HLCS: variants seen among roughly 807,000 people sequenced by gnomAD.
The protein encoded by HLCS is biotin--protein ligase.
A neutral mutation model predicts 75.0 loss-of-function variants in HLCS; 53 were observed. The ratio of observed to expected loss-of-function variants is 0.71; its 90% CI spans 0.57 to 0.89. The LOEUF (loss-of-function observed/expected upper bound fraction) is 0.89, where lower values mean the gene tolerates loss of function less well. Among genes scored for constraint, HLCS ranks in the 40% least tolerant of loss-of-function variants. The probability of loss-of-function intolerance (pLI) is 0.00; values close to 1 mark genes in which losing one functional copy is unlikely to be tolerated. For synonymous variants in HLCS, 431 were observed against 428.6 expected (o/e 1.01, Z -0.07); for missense variants, 966 against 1,074.0 (o/e 0.90, Z 1.41).
At chr21:36,957,777 A>G (rs1444714608) in intron 2 of HLCS, among the ~76,000 whole-genome samples, 1 of 151,482 alleles carries the variant, frequency 6.6e-6, no homozygotes, top group Non-Finnish European at 1.5e-5. Context: ...AAAATACAAA[A>G]AATTACCTGG....
At chr21:36,768,661 G>A (rs1168985096) in intron 6 of HLCS, among the ~76,000 whole-genome samples, 4 of 152,234 alleles carry the variant, frequency 2.6e-5, no homozygotes, top group Non-Finnish European at 5.9e-5. Context: ...GGCACAGGAC[G>A]CTTTCGGCGA....
intron 6 of HLCS, among the ~76,000 whole-genome samples, chr21:36,814,628 G>A (rs1204665327): frequency 6.6e-6 from 1 of 152,230 alleles, no homozygotes; most frequent in Non-Finnish European, 1.5e-5. Flanking sequence ...AGGGGTAGAG[G>A]TGAGAAAAGG....
intron 6 of HLCS, among the ~76,000 whole-genome samples, chr21:36,815,605 G>A (rs1397192357): frequency 1.3e-5 from 2 of 152,172 alleles, no homozygotes; most frequent in Non-Finnish European, 2.9e-5. Context: ...AGTAAAGACG[G>A]GGGATAGGTT....
intron 5 of HLCS, among the ~76,000 whole-genome samples, chr21:36,921,537 A>G (rs1036172059): frequency 9.9e-5 from 15 of 152,238 alleles, no homozygotes; most frequent in African/African-American, 3.1e-4. Context: ...AATTAAACTA[A>G]AAGTTTTTAT....
Position 36,754,369 on chromosome 21 carries a change from G to A in HLCS, c.2499C>T (p.Ile833=), listed in dbSNP as rs779826873. Residue 833 remains isoleucine (I), a synonymous_variant, in exon 11 of 11, where the codon ATC becomes ATT. Coordinates refer to ENST00000674895, the MANE Select transcript of HLCS (RefSeq NM_001352514.2). ...GGAAGCCAGAATCGTCCAGGCCAAC[G>A]ATGGACACCTTTGGTCCCTCTGCGC... The part of the protein sequence containing the change: ...LGSAEGPKVS[I]VGLDDSGFLQ... 8 of 1,613,942 alleles carry A rather than the reference G, an allele frequency of 5.0e-6. No individual in the cohort carries two copies. Among genetic ancestry groups the A allele is most frequent in the South Asian group, 2.2e-5 (2 of 91,034 alleles).
chr21:36,789,323 C>T (rs891570488), intron 6 of HLCS, among the ~76,000 whole-genome samples: 11 of 152,200 alleles, frequency 7.2e-5, no homozygotes, highest in African/African-American at 2.7e-4. Flanking sequence ...ATGTTACAAA[C>T]ACAATGAAAT....
intron 6 of HLCS, among the ~76,000 whole-genome samples, chr21:36,886,369 C>T (rs774142586): frequency 1.5e-4 from 22 of 146,428 alleles, no homozygotes; most frequent in Admixed American, 2.1e-4. Flanking sequence ...GAAGGCAGAG[C>T]TTGCAGCGAG....
At chr21:36,778,580 T>G (rs950624557) in intron 6 of HLCS, among the ~76,000 whole-genome samples, 1 of 152,208 alleles carries the variant, frequency 6.6e-6, no homozygotes, top group African/African-American at 2.4e-5. Context: ...TGCCTGGCCT[T>G]GAATCAATTA....
chr21:36,889,818 T>C (rs2064698243), intron 6 of HLCS, among the ~76,000 whole-genome samples: 1 of 152,096 alleles, frequency 6.6e-6, no homozygotes, highest in East Asian at 1.9e-4. Flanking sequence ...TACTAGGAAA[T>C]AGCACAGAAA....
intron 6 of HLCS, among the ~76,000 whole-genome samples, chr21:36,820,370 G>GGAT (rs1569056659): frequency 6.6e-6 from 1 of 152,102 alleles, no homozygotes; most frequent in East Asian, 1.9e-4. Context: ...CCCAGCCACG[G>GGAT]CCGGGCCGCC....
At chr21:36,925,761 A>G (rs1357869157) in intron 5 of HLCS, among the ~76,000 whole-genome samples, 1 of 152,214 alleles carries the variant, frequency 6.6e-6, no homozygotes, top group Non-Finnish European at 1.5e-5. Context: ...TCTTTCTGCC[A>G]TTGCTCTGGC....
In HLCS at chr21:36,837,410, T is replaced by C. The variant is rs1018097887; in HGVS notation, c.1892+59450A>G. Among the ~76,000 whole-genome samples, 8 of 152,326 alleles carry C rather than the reference T, an allele frequency of 5.3e-5. No homozygotes were observed. In the East Asian group the frequency reaches 1.5e-3, roughly 29 times the overall value. ...CCCCAACTACACATCATCTTTCTAC[T>C]TTAGACATTTAAAAATACAGCACAC... On this transcript the variant is annotated intron_variant, in intron 6 of 10. Coordinates refer to ENST00000674895, the MANE Select transcript of HLCS (RefSeq NM_001352514.2).
chr21:36,828,831 T>C (rs1157403515), intron 6 of HLCS, among the ~76,000 whole-genome samples: 2 of 152,240 alleles, frequency 1.3e-5, no homozygotes, highest in Non-Finnish European at 2.9e-5. Context: ...AATAAAAATA[T>C]TGCTGCAAAA....
At chr21:36,907,398 G>A (rs1051844688) in intron 5 of HLCS, among the ~76,000 whole-genome samples, 6 of 152,184 alleles carry the variant, frequency 3.9e-5, no homozygotes, top group South Asian at 2.1e-4. Context: ...GCCCACACCT[G>A]TAATCCCAGA....
intron 6 of HLCS, among the ~76,000 whole-genome samples, chr21:36,866,838 T>C (rs1177446844): frequency 6.8e-6 from 1 of 147,412 alleles, no homozygotes; most frequent in African/African-American, 2.6e-5. Context: ...AGAATTTGAG[T>C]AGTTTTTTTT....
chr21:36,864,929 T>C (rs1276907455), intron 6 of HLCS, among the ~76,000 whole-genome samples: 1 of 152,202 alleles, frequency 6.6e-6, no homozygotes, highest in African/African-American at 2.4e-5. Context: ...GCTTCCAACA[T>C]ATTTGTCAAA....
intron 6 of HLCS, among the ~76,000 whole-genome samples, chr21:36,864,021 T>C (rs912018305): frequency 6.6e-6 from 1 of 152,220 alleles, no homozygotes; most frequent in Admixed American, 6.5e-5. Context: ...AATATTGACA[T>C]TTAAATGAAA....
In HLCS at chr21:36,750,626, TG is replaced by T. The variant is rs2089337458; in HGVS notation, c.*3619del. On this transcript the variant is annotated 3_prime_UTR_variant, in exon 11 of 11. Coordinates refer to ENST00000674895, the MANE Select transcript of HLCS (RefSeq NM_001352514.2). ...GTTTTAATTTACCAGAGCTATAAGA[TG>T]GTTAAGGTAGACTAGTGGGGACTGC... 6.6e-6 allele frequency among the ~76,000 whole-genome samples: 1 copy of T among 151,986 alleles called. No individual in the cohort carries two copies.
At chr21:36,797,514 T>C (rs1390733656) in intron 6 of HLCS, among the ~76,000 whole-genome samples, 3 of 152,200 alleles carry the variant, frequency 2.0e-5, no homozygotes, top group Non-Finnish European at 4.4e-5. Flanking sequence ...TGTGCATCAC[T>C]TGGGAAGTTC....
Sources: allele counts gnomAD v4.1 joint callset (sites outside exome capture counted in the v4.1 genomes callset), GRCh38; gene constraint gnomAD v4.1.1; transcripts MANE v1.5; gene names NCBI Gene and HGNC (gene_info 2026-07-23, HGNC 2026-07-21).